The following MYRFL variants were observed in gnomAD, a reference collection of about 807,000 sequenced individuals.
The protein encoded by MYRFL is myelin regulatory factor-like protein.
Under a neutral mutation model 109.4 loss-of-function variants are expected in MYRFL, and 88 were observed. The ratio of observed to expected loss-of-function variants is 0.80; its 90% CI spans 0.68 to 0.96. The LOEUF is 0.96. MYRFL is among the 40% of genes least tolerant of loss of function. The probability of loss-of-function intolerance (pLI) is 0.00; values close to 1 mark genes in which losing one functional copy is unlikely to be tolerated. For synonymous variants in MYRFL, 324 were observed against 320.9 expected, an observed-to-expected ratio of 1.01 and a Z score of -0.10; for missense variants, 957 against 954.9, an observed-to-expected ratio of 1.00 and a Z score of -0.03.
At chr12:69,958,225 G>T (rs1178891363) in intron 23 of MYRFL, 24 bp from the exon 24 acceptor site, 1 of 1,515,304 alleles carries the variant, frequency 6.6e-7, no homozygotes, top group Non-Finnish European at 8.8e-7. Context: ...GTACGAAATG[G>T]ATCCTCTTTT....
intron 2 of MYRFL, among the ~76,000 whole-genome samples, chr12:69,859,842 C>A (rs1299360376): frequency 1.3e-5 from 2 of 152,146 alleles, no homozygotes; most frequent in Non-Finnish European, 2.9e-5. Context: ...CTAGTTCATC[C>A]ATTGTGGAAG....
chr12:69,914,672 C>A (rs974768868), intron 13 of MYRFL, among the ~76,000 whole-genome samples: 1 of 152,148 alleles, frequency 6.6e-6, no homozygotes, highest in African/African-American at 2.4e-5. Context: ...CCAGGAGAGG[C>A]TACAACCTAA....
intron 10 of MYRFL, among the ~76,000 whole-genome samples, chr12:69,899,827 T>C (rs755584469): frequency 6.6e-6 from 1 of 152,144 alleles, no homozygotes; most frequent in South Asian, 2.1e-4. Context: ...AGAAGTATAT[T>C]ATGGTCCTGT....
intron 19 of MYRFL, among the ~76,000 whole-genome samples, chr12:69,947,560 C>T (rs1480543668): frequency 8.6e-5 from 13 of 151,916 alleles, no homozygotes; most frequent in Admixed American, 8.5e-4. Flanking sequence ...ATCCATGGAA[C>T]CAGTAAAGAT....
intron 5 of MYRFL, among the ~76,000 whole-genome samples, chr12:69,880,951 G>GGTTTTTTTT (rs1555246956): frequency 0.12 from 13,497 of 112,318 alleles, 1,687 homozygotes; most frequent in East Asian, 0.34. Flanking sequence ...CAGCCTTCCT[G>GGTTTTTTTT]TTTTTTTTTT....
chr12:69,881,721 A>G (rs17225763), intron 5 of MYRFL, among the ~76,000 whole-genome samples: 24,263 of 152,208 alleles, frequency 0.16, 2,211 homozygotes, highest in South Asian at 0.24. Flanking sequence ...TTCTTTGTAT[A>G]TGCATCCAAC....
chr12:69,933,318 T>C (rs974209169), intron 16 of MYRFL, among the ~76,000 whole-genome samples: 2 of 152,034 alleles, frequency 1.3e-5, no homozygotes, highest in African/African-American at 4.8e-5. Context: ...TGAAACCTGG[T>C]CATCTTGCTG....
chr12:69,953,691 C>G (rs747902573), intron 21 of MYRFL, among the ~76,000 whole-genome samples: 1 of 151,828 alleles, frequency 6.6e-6, no homozygotes, highest in Non-Finnish European at 1.5e-5. Context: ...CTTTTGAGCC[C>G]AGGAGGTCGA....
chr12:69,832,921 A>C (rs550210914), intron 1 of MYRFL, among the ~76,000 whole-genome samples: 1 of 149,492 alleles, frequency 6.7e-6, no homozygotes, highest in East Asian at 2.0e-4. Context: ...ATGTACTTAG[A>C]TGTCGAAGAC....
intron 15 of MYRFL, among the ~76,000 whole-genome samples, chr12:69,928,310 C>T (rs1955162393): frequency 6.6e-6 from 1 of 152,242 alleles, no homozygotes. Flanking sequence ...AGGACACCCT[C>T]TCCATCACGA....
chr12:69,928,981 C>T (rs1328676596), intron 15 of MYRFL, among the ~76,000 whole-genome samples: 1 of 152,126 alleles, frequency 6.6e-6, no homozygotes, highest in African/African-American at 2.4e-5. Flanking sequence ...GCAGTTATCT[C>T]AGAATATTAA....
chr12:69,923,708 G>T (rs1954981737), intron 13 of MYRFL, among the ~76,000 whole-genome samples: 1 of 150,174 alleles, frequency 6.7e-6, no homozygotes, highest in African/African-American at 2.5e-5. Flanking sequence ...TTTATTTTTT[G>T]TCTTTAGGCT....
chr12:69,888,622 A>G (rs929080987), intron 6 of MYRFL, among the ~76,000 whole-genome samples: 2 of 152,216 alleles, frequency 1.3e-5, no homozygotes, highest in Admixed American at 6.5e-5. Flanking sequence ...TCAACAGTAT[A>G]ACTCTTACTG....
At chr12:69,929,420 A>T (rs951174379) in intron 15 of MYRFL, among the ~76,000 whole-genome samples, 1 of 152,336 alleles carries the variant, frequency 6.6e-6, no homozygotes, top group African/African-American at 2.4e-5. Flanking sequence ...TCAGAGTGCC[A>T]GGAGGTTTAT....
intron 10 of MYRFL, among the ~76,000 whole-genome samples, chr12:69,898,546 T>G (rs971825750): frequency 6.6e-6 from 1 of 152,208 alleles, no homozygotes; most frequent in South Asian, 2.1e-4. Flanking sequence ...TTTGACATCT[T>G]ATTTGATGTA....
In MYRFL at chr12:69,948,582, C is replaced by T. The variant is rs1429148252; in HGVS notation, c.2225-3531C>T. Among the ~76,000 whole-genome samples, 3 of 152,194 alleles carry T rather than the reference C, an allele frequency of 2.0e-5. No homozygotes were observed. In the East Asian group the frequency reaches 5.8e-4, roughly 29 times the overall value. On this transcript the variant is annotated intron_variant, in intron 19 of 24. Transcript: ENST00000552032. Reference sequence around the variant, plus strand: ...ATGCCTCATTTGCGTTGTAAATTTACAACCTTCTGTGGAAGCAGTCTTAAG... The same window carrying T: ...ATGCCTCATTTGCGTTGTAAATTTATAACCTTCTGTGGAAGCAGTCTTAAG...
At chr12:69,918,320 A>G (rs999291858) in intron 13 of MYRFL, among the ~76,000 whole-genome samples, 1 of 152,206 alleles carries the variant, frequency 6.6e-6, no homozygotes, top group Non-Finnish European at 1.5e-5. Context: ...ACCGAAAGCA[A>G]CACCTTAAGG....
At chr12:69,870,360 C>A (rs542937393) in intron 2 of MYRFL, among the ~76,000 whole-genome samples, 1 of 151,392 alleles carries the variant, frequency 6.6e-6, no homozygotes, top group East Asian at 2.0e-4. Context: ...TTTTACAACT[C>A]TTTCCTGCTG....
chr12:69,938,095 A>G (rs545730046), intron 19 of MYRFL, among the ~76,000 whole-genome samples: 106 of 152,364 alleles, frequency 7.0e-4, no homozygotes, highest in African/African-American at 2.0e-3. Context: ...GAGCAGATGC[A>G]TCACTATGGA....
Sources: gnomAD v4.1 joint callset for allele counts (sites outside exome capture counted in the v4.1 genomes callset) on GRCh38, gnomAD v4.1.1 for gene constraint, MANE v1.5 for transcripts, NCBI Gene and HGNC (gene_info 2026-07-23, HGNC 2026-07-21) for gene names.